Variants in ALG12 observed in about 807,000 individuals in gnomAD.
The protein encoded by ALG12 is ALG12 alpha-1,6-mannosyltransferase.
In ALG12, 36 loss-of-function variants were observed where a neutral mutation model predicts 46.0. The ratio of observed to expected loss-of-function variants is 0.78; its 90% CI spans 0.60 to 1.03. The LOEUF (loss-of-function observed/expected upper bound fraction) is 1.03, where lower values mean the gene tolerates loss of function less well. Among genes scored for constraint, ALG12 ranks in the 50% least tolerant of loss-of-function variants. The pLI, the probability that ALG12 is intolerant of heterozygous loss-of-function variation, is 0.00. For missense variants in ALG12, 599 were observed against 633.5 expected, an observed-to-expected ratio of 0.95 and a Z score of 0.58; for synonymous variants, 326 against 291.6, an observed-to-expected ratio of 1.12 and a Z score of -1.20.
chr22:49,896,109 C>G (rs573590973), downstream of ALG12, among the ~76,000 whole-genome samples: 4 of 152,314 alleles, frequency 2.6e-5, no homozygotes, highest in South Asian at 8.3e-4. Context: ...CCTTCCTGCA[C>G]AGTCTGTTAA....
At chr22:49,881,575 C>G in the ALG12 span, among the ~76,000 whole-genome samples, 2 of 152,194 alleles carry the variant, frequency 1.3e-5, no homozygotes, top group Non-Finnish European at 2.9e-5. Context: ...GACAGAGTTT[C>G]ACTATTATTC....
chr22:49,864,011 T>A, the ALG12 span, among the ~76,000 whole-genome samples: 1 of 152,204 alleles, frequency 6.6e-6, no homozygotes, highest in Non-Finnish European at 1.5e-5. Context: ...TCATCTTGTA[T>A]TTTTCCGGCT....
At position 49,913,529 on chromosome 22, in the gene ALG12, A is replaced by G; in HGVS notation, c.163-12T>C. 1 of 1,613,948 alleles carries G rather than the reference A, an allele frequency of 6.2e-7. No individual in the cohort carries two copies. Among genetic ancestry groups the G allele is most frequent in the Non-Finnish European group, 8.5e-7 (1 of 1,180,026 alleles). Reference sequence around the variant, plus strand: ...TCAAGATGGTCGTACTGCGAGGAGAAGGGCAGGTCAGTGCACCGGGGCCCT... The same window carrying G: ...TCAAGATGGTCGTACTGCGAGGAGAGGGGCAGGTCAGTGCACCGGGGCCCT... On this transcript the variant is annotated splice_polypyrimidine_tract_variant and intron_variant, in intron 2 of 9. Transcript: ENST00000330817.
the ALG12 span, chr22:49,887,078 C>T: frequency 3.7e-6 from 6 of 1,614,098 alleles, no homozygotes; most frequent in Non-Finnish European, 5.1e-6. Flanking sequence ...AACACACCCA[C>T]TGAGAACGGT....
At chr22:49,884,402 G>C in the ALG12 span, 4 of 1,613,376 alleles carry the variant, frequency 2.5e-6, no homozygotes, top group Non-Finnish European at 3.4e-6. Context: ...AAGTGCGGCA[G>C]AGAAGAAGCC....
At chr22:49,869,388 G>A in the ALG12 span, among the ~76,000 whole-genome samples, 3 of 152,184 alleles carry the variant, frequency 2.0e-5, no homozygotes, top group Admixed American at 6.5e-5. Context: ...GGCAGCGCTC[G>A]TCCTCCAGAC....
chr22:49,866,647 A>G, the ALG12 span, among the ~76,000 whole-genome samples: 13 of 152,074 alleles, frequency 8.5e-5, no homozygotes, highest in East Asian at 2.5e-3. Context: ...CTGAGGTCAC[A>G]TTTTTCTGTG....
At chr22:49,895,270 G>A (rs769233588), downstream of ALG12, among the ~76,000 whole-genome samples, 10 of 152,164 alleles carry the variant, frequency 6.6e-5, no homozygotes, top group East Asian at 1.9e-4. Context: ...ACATCCACTC[G>A]CTTCATTCTA....
At chr22:49,862,316 T>C in the ALG12 span, among the ~76,000 whole-genome samples, 2 of 152,244 alleles carry the variant, frequency 1.3e-5, no homozygotes, top group African/African-American at 4.8e-5. Context: ...ACTTTTTTGC[T>C]GAGACTGGAA....
the ALG12 span, among the ~76,000 whole-genome samples, chr22:49,870,764 T>C: frequency 6.6e-6 from 1 of 152,076 alleles, no homozygotes; most frequent in Non-Finnish European, 1.5e-5. Flanking sequence ...TCAGTGGGTT[T>C]TCTGTTTATT....
intron 3 of ALG12, among the ~76,000 whole-genome samples, chr22:49,910,960 G>A (rs984508538): frequency 2.0e-5 from 3 of 152,204 alleles, no homozygotes; most frequent in East Asian, 1.9e-4. Context: ...TGCAAAGGCC[G>A]GGCTCAGACC....
chr22:49,912,431 C>T (rs73891167), intron 3 of ALG12, among the ~76,000 whole-genome samples: 6,151 of 152,308 alleles, frequency 0.04, 286 homozygotes, highest in African/African-American at 0.11. Flanking sequence ...TGCCTGTGGA[C>T]TTCCTTTCCC....
the ALG12 span, chr22:49,886,326 C>T: frequency 1.6e-5 from 26 of 1,590,186 alleles, no homozygotes; most frequent in South Asian, 2.7e-4. The surrounding 1 kb of genome is among the most constrained non-coding windows in gnomAD (Gnocchi z 7.7). Context: ...TCCAGGACGT[C>T]CCGTCCAAGT....
downstream of ALG12, among the ~76,000 whole-genome samples, chr22:49,897,177 T>G (rs940040233): frequency 2.0e-5 from 3 of 152,142 alleles, no homozygotes; most frequent in African/African-American, 7.2e-5. Context: ...AGTCATTCAC[T>G]TATTTTTAGC....
the ALG12 span, chr22:49,884,605 C>A: frequency 1.2e-6 from 2 of 1,612,252 alleles, no homozygotes; most frequent in South Asian, 1.1e-5. Context: ...CGAGTTCAGC[C>A]GGGGGAAGAA....
the ALG12 span, chr22:49,889,894 G>A: frequency 6.0e-6 from 1 of 167,042 alleles, no homozygotes. Flanking sequence ...TGGAAATGAT[G>A]TTTTAGGCAG....
At chr22:49,887,172 G>T in the ALG12 span, 2 of 1,607,352 alleles carry the variant, frequency 1.2e-6, no homozygotes, top group Non-Finnish European at 1.7e-6. Flanking sequence ...TATACTTTCA[G>T]TATTGAAACT....
the ALG12 span, chr22:49,888,237 C>T: frequency 6.0e-6 from 1 of 166,920 alleles, no homozygotes; most frequent in Non-Finnish European, 1.5e-5. Flanking sequence ...GTTATGTCTT[C>T]AGAGAAAAAA....
intron 5 of ALG12, 80 bp from the exon 6 acceptor site, chr22:49,909,427 A>G: frequency 7.4e-7 from 1 of 1,355,494 alleles, no homozygotes; most frequent in Non-Finnish European, 1.0e-6. Context: ...CCCCATCACT[A>G]CAGAAACTAC....
Sources: allele counts gnomAD v4.1 joint callset (sites outside exome capture counted in the v4.1 genomes callset), GRCh38; gene constraint gnomAD v4.1.1; non-coding constraint Gnocchi (gnomAD v3.1); transcripts MANE v1.5; gene names NCBI Gene and HGNC (gene_info 2026-07-23, HGNC 2026-07-21).